The following DNHD1 variants were observed in gnomAD, a reference collection of about 807,000 sequenced individuals.
DNHD1 encodes dynein heavy chain domain-containing protein 1.
A neutral mutation model predicts 458.1 loss-of-function variants in DNHD1; 383 were observed. That is an observed-to-expected ratio of 0.84 (90% confidence interval 0.77 to 0.91). The LOEUF (loss-of-function observed/expected upper bound fraction) is 0.91, where lower values mean the gene tolerates loss of function less well. Among genes scored for constraint, DNHD1 ranks in the 40% least tolerant of loss-of-function variants. The pLI, the probability that DNHD1 is intolerant of heterozygous loss-of-function variation, is 0.00. For missense variants in DNHD1, 5,336 were observed against 5,866.1 expected (o/e 0.91, Z 2.95); for synonymous variants, 2,203 against 2,376.9 (o/e 0.93, Z 2.13).
At chr11:6,499,090 CA>C in intron 3 of DNHD1, 129 bp downstream of exon 3, 5 of 1,085,640 alleles carry the variant, frequency 4.6e-6, no homozygotes, top group Non-Finnish European at 6.4e-6. Flanking sequence ...CAACTCCACA[CA>C]AAGCTAGTGT....
At chr11:6,540,631 C>G (rs1212702557) in intron 18 of DNHD1, among the ~76,000 whole-genome samples, 1 of 152,120 alleles carries the variant, frequency 6.6e-6, no homozygotes. Flanking sequence ...AGGACCAGCT[C>G]AAAGAACCAG....
rs770443823 is a variant in DNHD1, at chr11:6,566,626, A to G, written c.11246A>G (p.Asp3749Gly). The change falls in exon 35 of 43, where the codon GAT becomes GGT. Residue 3749 changes from aspartate to glycine, a missense_variant. By Grantham distance (94) the Asp-to-Gly change is moderately conservative. Around this residue, in one of 4 missense-constraint regions of DNHD1, gnomAD observed 695 missense variants for 804.2 expected, o/e 0.86. Coordinates refer to ENST00000254579, the MANE Select transcript of DNHD1 (RefSeq NM_144666.3). ...CTGCTAAAGGGGCTGAATGTGTTGGATCTGGGCCTGAACATGGAAATACTG... is the reference window on the plus strand; with the variant it reads ...CTGCTAAAGGGGCTGAATGTGTTGGGTCTGGGCCTGAACATGGAAATACTG... ...CELLKGLNVL[D>G]LGLNMEILEE... The G allele has an allele frequency of 6.2e-7, 1 of 1,613,866 alleles. No individual in the cohort carries two copies. The highest frequency in any genetic ancestry group is 8.5e-7 in the Non-Finnish European group (1 of 1,179,872).
At chr11:6,528,409 GT>G (rs1852757112) in intron 10 of DNHD1, 112 bp from the exon 11 acceptor site, 12 of 967,586 alleles carry the variant, frequency 1.2e-5, no homozygotes, top group Non-Finnish European at 1.6e-5. Context: ...GAATGGGTGT[GT>G]GTGTGTGTGT....
Position 6,546,858 on chromosome 11 carries a change from G to A in DNHD1, c.5919G>A (p.Gly1973=). 6.4e-7 allele frequency: 1 copy of A among 1,551,766 alleles called. No homozygotes were observed. Among genetic ancestry groups the A allele is most frequent in the Non-Finnish European group, 8.7e-7 (1 of 1,147,006 alleles). ...VGLDPSPDIL[G]SLEQLSQALS... is the part of the protein sequence containing the mutation. ...TGGATCCCAGCCCTGACATTTTGGG[G>A]TCCTTGGAACAGTTGAGCCAGGCCC... Residue 1973 remains glycine, a synonymous_variant, in exon 21 of 43, where the codon GGG becomes GGA. Transcript: ENST00000254579.
At position 6,563,785 on chromosome 11, in the gene DNHD1, C is replaced by G. The variant is rs1251851628; in HGVS notation, c.9945C>G (p.Ala3315=). The change falls in exon 31 of 43, where the codon GCC becomes GCG. Residue 3315 remains alanine (A), a synonymous_variant. Transcript: ENST00000254579. ...ILKAPGMDDA[A]LRAVSRPAAS... ...AGGCTCCAGGTATGGACGATGCAGC[C>G]CTGCGGGCAGTGAGCCGACCTGCAG... 3.9e-6 allele frequency: 6 copies of G among 1,551,514 alleles called. No homozygotes were observed. In the African/African-American group the frequency reaches 8.2e-5, roughly 21 times the overall value.
At chr11:6,500,333 A>G (rs1447022715) in intron 3 of DNHD1, among the ~76,000 whole-genome samples, 1 of 152,226 alleles carries the variant, frequency 6.6e-6, no homozygotes, top group Non-Finnish European at 1.5e-5. Context: ...AATGCTTTGC[A>G]GCTGTCTGTG....
rs943423875 is a variant in DNHD1, at chr11:6,533,643, G to A, written c.2506-38G>A. 7.2e-6 allele frequency: 11 copies of A among 1,517,490 alleles called. No individual in the cohort carries two copies. The Admixed American group carries it at 1.4e-4, about 20-fold the overall frequency. 94.0% of individuals were successfully genotyped at this position (1,517,490 alleles called of 1,614,324 possible). A position where few individuals can be genotyped will look rare whatever the true frequency, so the allele number is the denominator to read the frequency against. On this transcript the variant is annotated intron_variant, in intron 13 of 42. Transcript: ENST00000254579. ...GGATGGGACCAAAGAGGTACATGGG[G>A]TTGTGGGGCTGCCGGTCTCATGCTG... is the stretch of plus-strand genomic sequence containing the variant.
chr11:6,562,667 T>G (rs1247765095), intron 28 of DNHD1, among the ~76,000 whole-genome samples: 1 of 152,166 alleles, frequency 6.6e-6, no homozygotes, highest in Non-Finnish European at 1.5e-5. Context: ...GAGGGAACTG[T>G]CTTCTGTGAC....
At position 6,505,059 on chromosome 11, in the gene DNHD1, G is replaced by T. The variant is rs186347775; in HGVS notation, c.920+2133G>T. ...TTGCTCAAGCTGGTCTCGAACTCCT[G>T]GGCTCAAGCTATCCTCCCTTCTCAG... On this transcript the variant is annotated intron_variant, in intron 4 of 42. Coordinates refer to ENST00000254579, the MANE Select transcript of DNHD1 (RefSeq NM_144666.3). This position sits in a 1 kb window ranked among gnomAD's most constrained non-coding sequence, Gnocchi z 4.4. Among the ~76,000 whole-genome samples the T allele has an allele frequency of 1.3e-4, 19 of 151,962 alleles. No individual in the cohort carries two copies. The highest frequency in any genetic ancestry group is 4.6e-4 in the African/African-American group (19 of 41,422).
intron 4 of DNHD1, among the ~76,000 whole-genome samples, chr11:6,507,453 A>G (rs1427449023): frequency 5.9e-5 from 9 of 152,192 alleles, no homozygotes; most frequent in Non-Finnish European, 1.2e-4. Flanking sequence ...CATTTAATAA[A>G]GCATTTATTT....
chr11:6,504,151 T>G (rs1465639200), intron 4 of DNHD1: 3 of 152,220 alleles, frequency 2.0e-5, no homozygotes, highest in African/African-American at 7.2e-5. Flanking sequence ...ATGATCAATA[T>G]CATTCATTCA....
chr11:6,559,151 G>T, intron 27 of DNHD1, 30 bp from the exon 28 acceptor site: 1 of 1,551,496 alleles, frequency 6.4e-7, no homozygotes, highest in East Asian at 2.4e-5. Context: ...TGCTCCTTTG[G>T]GTTTCCTCAC....
At position 6,570,412 on chromosome 11, in the gene DNHD1, G is replaced by GT; in HGVS notation, c.13105+17dup. The GT allele has an allele frequency of 6.2e-7, 1 of 1,600,046 alleles. No individual in the cohort carries two copies. Among genetic ancestry groups the GT allele is most frequent in the Non-Finnish European group, 8.5e-7 (1 of 1,173,164 alleles). On this transcript the variant is annotated intron_variant, in intron 41 of 42. Coordinates refer to ENST00000254579, the MANE Select transcript of DNHD1 (RefSeq NM_144666.3). ...CCCCTCCCAGGTAAGCCTCACTCAG[G>GT]TATCTGTTTTGGGGTAGGGAATAGT...
At chr11:6,558,880 G>C in intron 26 of DNHD1, 22 bp from the exon 27 acceptor site, 1 of 1,551,168 alleles carries the variant, frequency 6.4e-7, no homozygotes, top group Non-Finnish European at 8.7e-7. Flanking sequence ...ACAGAGTGAG[G>C]CTAAAGCCAT....
At chr11:6,524,510 A>G (rs1465538371) in intron 10 of DNHD1, among the ~76,000 whole-genome samples, 2 of 152,170 alleles carry the variant, frequency 1.3e-5, no homozygotes, top group African/African-American at 2.4e-5. Flanking sequence ...TTGACTTTAT[A>G]TGATATTTGA....
intron 12 of DNHD1, among the ~76,000 whole-genome samples, chr11:6,529,852 C>T (rs187918175): frequency 7.9e-5 from 12 of 152,252 alleles, no homozygotes; most frequent in African/African-American, 2.9e-4. Flanking sequence ...CCTGGAGTGT[C>T]TGTCTTTGCT....
At position 6,566,919 on chromosome 11, in the gene DNHD1, T is replaced by A. The variant is rs1853714503; in HGVS notation, c.11410T>A (p.Phe3804Ile). ...AEERLLTMLL[F>I]QNPKRQKPAK... is the part of the protein sequence containing the mutation. ...GGAGCGGCTGCTGACGATGCTGCTGTTCCAGAATCCGAAGCGTCAGAAGCC... is the reference window on the plus strand; with the variant it reads ...GGAGCGGCTGCTGACGATGCTGCTGATCCAGAATCCGAAGCGTCAGAAGCC... The change falls in exon 36 of 43, where the codon TTC becomes ATC. Residue 3804 changes from phenylalanine (F) to isoleucine (I), a missense_variant. Phe to Ile is a conservative substitution (Grantham distance 21, BLOSUM62 0). Transcript: ENST00000254579. The A allele has an allele frequency of 6.2e-7, 1 of 1,613,002 alleles. No individual in the cohort carries two copies. The highest frequency in any genetic ancestry group is 8.5e-7 in the Non-Finnish European group (1 of 1,179,444).
chr11:6,542,712 CAAG>C (rs781447366), intron 18 of DNHD1, among the ~76,000 whole-genome samples: 3 of 152,202 alleles, frequency 2.0e-5, no homozygotes, highest in Non-Finnish European at 4.4e-5. Context: ...ATTCTTACCT[CAAG>C]AAGACAGGTT....
rs1853699948 is a variant in DNHD1 at position 6,566,412 on chromosome 11, A to C, written c.11206+19A>C. The C allele has an allele frequency of 6.4e-7, 1 of 1,557,492 alleles. No individual in the cohort carries two copies. Among genetic ancestry groups the C allele is most frequent in the Non-Finnish European group, 8.7e-7 (1 of 1,150,420 alleles). ...GAAAAAGGTGAGGCCCAGAGGGCAA[A>C]TTGCCAGCACAGTTGTGTGGACACA... On this transcript the variant is annotated intron_variant, in intron 34 of 42. Transcript: ENST00000254579.
Sources: gnomAD v4.1 joint callset for allele counts (sites outside exome capture counted in the v4.1 genomes callset) on GRCh38, gnomAD v4.1.1 for gene constraint, gnomAD v4.1.1 regional missense constraint, Gnocchi (gnomAD v3.1) non-coding constraint, MANE v1.5 for transcripts, NCBI Gene and HGNC (gene_info 2026-07-23, HGNC 2026-07-21) for gene names.